The following STOX2 variants were observed in gnomAD, a reference collection of about 807,000 sequenced individuals.
STOX2 encodes storkhead box 2.
STOX2 carries 28 observed loss-of-function variants against 60.9 expected under a neutral mutation model. The observed-to-expected ratio is 0.46, with a 90% confidence interval of 0.34 to 0.63. The LOEUF (loss-of-function observed/expected upper bound fraction) is 0.63. Ranked by LOEUF, STOX2 falls within the 30% of genes least tolerant of loss-of-function variation. STOX2 has a pLI of 0.01. For synonymous variants in STOX2, 472 were observed against 463.9 expected (o/e 1.02, Z -0.22); for missense variants, 1,024 against 1,187.7 (o/e 0.86, Z 2.03).
chr4:184,009,235 C>A lies in STOX2; in HGVS notation c.397C>A (p.Pro133Thr), dbSNP rs1734025495. The change falls in exon 3 of 4, where the codon CCA (proline) becomes ACA (threonine). Residue 133 changes from proline (P) to threonine (T), a missense_variant. By Grantham distance (38) the Pro-to-Thr change is conservative (BLOSUM62 -1). This residue lies in a region of STOX2 where 922 missense variants were observed against 1,058.3 expected (regional missense o/e 0.87). Transcript: ENST00000308497. The surrounding 1 kb of genome is among the most constrained non-coding windows in gnomAD (Gnocchi z 4.0). ...LVRERKIYPT[P>T]DGYFIVTPQT... ...ACGGGAGAGGAAGATCTACCCAACT[C>A]CAGATGGCTACTTCATCGTGACCCC... is the stretch of plus-strand genomic sequence containing the variant. 1.3e-6 allele frequency: 2 copies of A among 1,550,970 alleles called. No individual in the cohort carries two copies. The highest frequency in any genetic ancestry group is 2.7e-5 in the African/African-American group (2 of 73,396).
chr4:183,832,680 A>AGG (rs1181760216), intron 1 of STOX2, among the ~76,000 whole-genome samples: 1 of 150,608 alleles, frequency 6.6e-6, no homozygotes, highest in Non-Finnish European at 1.5e-5. Context: ...TAGTAGAGAC[A>AGG]GGTTTTACCA....
At chr4:183,919,702 A>T (rs1430337714) in intron 1 of STOX2, among the ~76,000 whole-genome samples, 1 of 151,586 alleles carries the variant, frequency 6.6e-6, no homozygotes, top group East Asian at 2.0e-4. Context: ...ACCTCCTGGG[A>T]TCAAGCAATC....
chr4:183,870,637 AC>A, intron 1 of STOX2, among the ~76,000 whole-genome samples: 1 of 152,360 alleles, frequency 6.6e-6, no homozygotes, highest in Admixed American at 6.5e-5. Flanking sequence ...GAATGAGAGT[AC>A]AATATACTTA....
At chr4:183,889,639 T>G (rs1218726229) in intron 1 of STOX2, among the ~76,000 whole-genome samples, 2 of 152,204 alleles carry the variant, frequency 1.3e-5, no homozygotes, top group African/African-American at 4.8e-5. Flanking sequence ...AGGCCTTCCC[T>G]TCTTCTGCAG....
intron 1 of STOX2, among the ~76,000 whole-genome samples, chr4:183,938,763 G>C (rs1252272976): frequency 1.3e-5 from 2 of 150,864 alleles, no homozygotes; most frequent in African/African-American, 4.9e-5. Context: ...GATTTTCAAA[G>C]CTCACCATTA....
At chr4:183,975,554 A>G (rs981237700) in intron 1 of STOX2, among the ~76,000 whole-genome samples, 3 of 152,176 alleles carry the variant, frequency 2.0e-5, no homozygotes, top group African/African-American at 7.2e-5. Flanking sequence ...CTGTGCACAT[A>G]AATTCAACAA....
intron 1 of STOX2, among the ~76,000 whole-genome samples, chr4:183,898,984 A>G (rs1398722338): frequency 6.6e-6 from 1 of 152,108 alleles, no homozygotes; most frequent in East Asian, 1.9e-4. Flanking sequence ...CATTTTTCCA[A>G]CAGCATGTCC....
At chr4:183,860,185 G>A in intron 1 of STOX2, among the ~76,000 whole-genome samples, 1 of 152,030 alleles carries the variant, frequency 6.6e-6, no homozygotes, top group South Asian at 2.1e-4. Context: ...AAAGGGAGAT[G>A]AGGAATGATT....
At chr4:183,955,048 T>C (rs141035766) in intron 1 of STOX2, among the ~76,000 whole-genome samples, 1 of 152,220 alleles carries the variant, frequency 6.6e-6, no homozygotes, top group Non-Finnish European at 1.5e-5. Flanking sequence ...CTCTTCAGAC[T>C]CCTCTAGTTG....
At chr4:183,983,848 A>G (rs954516118) in intron 1 of STOX2, among the ~76,000 whole-genome samples, 1 of 152,186 alleles carries the variant, frequency 6.6e-6, no homozygotes, top group South Asian at 2.1e-4. Context: ...GCAGTGGTGC[A>G]ATCATAGCTC....
intron 1 of STOX2, among the ~76,000 whole-genome samples, chr4:183,798,252 G>T (rs1183370515): frequency 6.6e-5 from 10 of 151,450 alleles, no homozygotes; most frequent in African/African-American, 1.9e-4. Context: ...GCACCGAAAG[G>T]AGGGAGCCGT....
chr4:184,013,619 A>G (rs1018880755), intron 3 of STOX2, among the ~76,000 whole-genome samples: 12 of 152,160 alleles, frequency 7.9e-5, no homozygotes, highest in Non-Finnish European at 1.2e-4. Flanking sequence ...GTGACAAACT[A>G]TTTTCTACAC....
At chr4:183,980,428 G>A (rs1019526919) in intron 1 of STOX2, among the ~76,000 whole-genome samples, 1 of 152,192 alleles carries the variant, frequency 6.6e-6, no homozygotes, top group Non-Finnish European at 1.5e-5. Context: ...ATTCTTGTCA[G>A]TAGGGATAGA....
intron 1 of STOX2, among the ~76,000 whole-genome samples, chr4:183,940,048 G>A (rs757182401): frequency 5.3e-5 from 8 of 152,190 alleles, no homozygotes; most frequent in Admixed American, 2.6e-4. Flanking sequence ...AATTACAGGC[G>A]TCCGCCACCA....
chr4:183,915,759 A>AGCCACCACCGGAGGCC (rs1439116995), intron 1 of STOX2, among the ~76,000 whole-genome samples: 3 of 152,198 alleles, frequency 2.0e-5, no homozygotes, highest in African/African-American at 7.2e-5. Context: ...CAGGACCGAC[A>AGCCACCACCGGAGGCC]GCCACCACCG....
At chr4:183,877,517 G>A (rs1740855584) in intron 1 of STOX2, among the ~76,000 whole-genome samples, 1 of 152,204 alleles carries the variant, frequency 6.6e-6, no homozygotes, top group Admixed American at 6.5e-5. Flanking sequence ...AGAAAATAGG[G>A]TCTGTAACTT....
At chr4:183,952,455 C>A (rs1052307123) in intron 1 of STOX2, among the ~76,000 whole-genome samples, 2 of 152,194 alleles carry the variant, frequency 1.3e-5, no homozygotes, top group Admixed American at 1.3e-4. Context: ...AGATTCCTTT[C>A]CACAAGAGTA....
intron 1 of STOX2, among the ~76,000 whole-genome samples, chr4:183,842,487 G>C (rs980713781): frequency 2.0e-5 from 3 of 151,948 alleles, no homozygotes; most frequent in African/African-American, 4.8e-5. Flanking sequence ...TTTTGATTTC[G>C]CTAACCCCAG....
intron 1 of STOX2, among the ~76,000 whole-genome samples, chr4:183,972,036 A>G (rs1394717106): frequency 6.6e-6 from 1 of 152,238 alleles, no homozygotes; most frequent in Non-Finnish European, 1.5e-5. Context: ...TGACCTGAGA[A>G]GCAGGAAAAG....
Sources: gnomAD v4.1 joint callset for allele counts (sites outside exome capture counted in the v4.1 genomes callset) on GRCh38, gnomAD v4.1.1 for gene constraint, gnomAD v4.1.1 regional missense constraint, Gnocchi (gnomAD v3.1) non-coding constraint, MANE v1.5 for transcripts, NCBI Gene and HGNC (gene_info 2026-07-23, HGNC 2026-07-21) for gene names.